Variants in ESYT2 observed in about 807,000 individuals in gnomAD.
The protein encoded by ESYT2 is extended synaptotagmin 2.
A neutral mutation model predicts 107.2 loss-of-function variants in ESYT2; 54 were observed. That is an observed-to-expected ratio of 0.50 (90% CI 0.40 to 0.63). The LOEUF (loss-of-function observed/expected upper bound fraction) is 0.63, where lower values mean the gene tolerates loss of function less well. ESYT2 is among the 30% of genes least tolerant of loss of function. The pLI is 0.00. For missense variants in ESYT2, 1,020 were observed against 1,094.5 expected, an observed-to-expected ratio of 0.93 and a Z score of 0.96; for synonymous variants, 491 against 434.1, an observed-to-expected ratio of 1.13 and a Z score of -1.63.
intron 13 of ESYT2, among the ~76,000 whole-genome samples, chr7:158,758,453 A>G (rs1837842465): frequency 6.6e-6 from 1 of 152,218 alleles, no homozygotes; most frequent in Admixed American, 6.5e-5. Context: ...ATGTGTGTCA[A>G]GAAGTGAGTT....
intron 1 of ESYT2, among the ~76,000 whole-genome samples, chr7:158,820,689 G>A (rs938887918): frequency 6.6e-6 from 1 of 152,210 alleles, no homozygotes; most frequent in African/African-American, 2.4e-5. Flanking sequence ...GGGAGGCTGA[G>A]GCGGGAGGGG....
intron 8 of ESYT2, among the ~76,000 whole-genome samples, chr7:158,766,735 C>T (rs1213641819): frequency 2.0e-5 from 3 of 152,210 alleles, no homozygotes; most frequent in African/African-American, 7.2e-5. Context: ...GACCAACTTA[C>T]CACGTCCTGT....
rs1563650748 is a variant in ESYT2, at chr7:158,782,384, A to AGGTGAG, written c.747+5619_747+5620insCTCACC. 1.4e-3 allele frequency among the ~76,000 whole-genome samples: 22 copies of AGGTGAG among 15,948 alleles called. 11 individuals are homozygous for AGGTGAG. Among genetic ancestry groups the AGGTGAG allele is most frequent in the Admixed American group, 2.0e-3 (4 of 1,982 alleles). 10.5% of individuals were successfully genotyped at this position (15,948 alleles called of 152,430 possible). On this transcript the variant is annotated intron_variant, in intron 6 of 22. Transcript: ENST00000275418. ...AGTGAACGAGTGTGAGAACAAAGTG[A>AGGTGAG]GGTAAGAACGAGAACAAGTGAGTGA...
intron 5 of ESYT2, 32 bp from the exon 6 acceptor site, chr7:158,788,125 T>C (rs1361756715): frequency 5.1e-6 from 8 of 1,570,602 alleles, no homozygotes; most frequent in South Asian, 2.2e-5. Flanking sequence ...AAATATGTAA[T>C]AGAAAACATT....
intron 13 of ESYT2, among the ~76,000 whole-genome samples, chr7:158,755,994 A>G (rs916586531): frequency 3.3e-5 from 5 of 152,252 alleles, no homozygotes; most frequent in African/African-American, 7.2e-5. Flanking sequence ...GTGCACATGT[A>G]CCCTATAACT....
At chr7:158,794,936 T>C (rs1839416226) in intron 3 of ESYT2, among the ~76,000 whole-genome samples, 1 of 152,238 alleles carries the variant, frequency 6.6e-6, no homozygotes, top group Non-Finnish European at 1.5e-5. Context: ...AGGCTTTTTC[T>C]TTATGGTACT....
intron 1 of ESYT2, among the ~76,000 whole-genome samples, chr7:158,803,633 T>C (rs1473642439): frequency 6.6e-6 from 1 of 152,198 alleles, no homozygotes; most frequent in African/African-American, 2.4e-5. Context: ...TGCAGAAAGT[T>C]AAAACTGCCC....
At chr7:158,829,041 A>G in intron 1 of ESYT2, 48 bp downstream of exon 1, 1 of 1,556,548 alleles carries the variant, frequency 6.4e-7, no homozygotes, top group Non-Finnish European at 8.6e-7. Context: ...ACGAGGGGAG[A>G]TCGGGACTGG....
chr7:158,760,248 G>A (rs991265858), intron 11 of ESYT2, 101 bp from the exon 12 acceptor site: 16 of 1,025,286 alleles, frequency 1.6e-5, no homozygotes, highest in East Asian at 2.4e-5. Flanking sequence ...CACTAACCAC[G>A]AGGCATCAAC....
chr7:158,792,035 T>C (rs1318116130), intron 4 of ESYT2, among the ~76,000 whole-genome samples: 1 of 152,192 alleles, frequency 6.6e-6, no homozygotes, highest in Admixed American at 6.5e-5. Context: ...CTATTACAAA[T>C]GAAATTGTTT....
intron 1 of ESYT2, among the ~76,000 whole-genome samples, chr7:158,821,586 C>T (rs1840286939): frequency 6.6e-6 from 1 of 152,226 alleles, no homozygotes; most frequent in Admixed American, 6.5e-5. Context: ...TCCTGTAAAT[C>T]AGAACTGCCC....
intron 7 of ESYT2, among the ~76,000 whole-genome samples, chr7:158,769,923 T>G (rs1174055216): frequency 6.6e-6 from 1 of 152,130 alleles, no homozygotes; most frequent in Non-Finnish European, 1.5e-5. Flanking sequence ...ATTTATTTTT[T>G]TAATTAATTT....
intron 15 of ESYT2, 112 bp from the exon 16 acceptor site, chr7:158,748,392 A>T: frequency 1.2e-6 from 1 of 855,320 alleles, no homozygotes; most frequent in Non-Finnish European, 1.8e-6. Context: ...AATAAAACAA[A>T]AAACTAGAAG....
chr7:158,796,448 G>T (rs1839460761), intron 3 of ESYT2, among the ~76,000 whole-genome samples: 1 of 152,140 alleles, frequency 6.6e-6, no homozygotes, highest in African/African-American at 2.4e-5. Flanking sequence ...GTCATTAGTA[G>T]TTTTGTTTTT....
chr7:158,782,120 A>C (rs1179916464), intron 6 of ESYT2, among the ~76,000 whole-genome samples: 2 of 131,182 alleles, frequency 1.5e-5, no homozygotes, highest in Admixed American at 1.7e-4. Flanking sequence ...GTGAGGTGTG[A>C]GTGTAAGAAC....
chr7:158,824,669 C>T (rs1840386285), intron 1 of ESYT2, among the ~76,000 whole-genome samples: 1 of 152,220 alleles, frequency 6.6e-6, no homozygotes, highest in South Asian at 2.1e-4. Flanking sequence ...AAAAGACCAA[C>T]TGTCAGAACA....
intron 6 of ESYT2, among the ~76,000 whole-genome samples, chr7:158,782,361 T>G (rs1838903340): frequency 7.5e-6 from 1 of 133,026 alleles, no homozygotes; most frequent in African/African-American, 2.9e-5. Flanking sequence ...AGAACGTGAG[T>G]GAACGAGTGT....
chr7:158,764,422 A>C (rs1563635991), intron 9 of ESYT2, among the ~76,000 whole-genome samples: 2 of 152,362 alleles, frequency 1.3e-5, no homozygotes, highest in South Asian at 2.1e-4. Flanking sequence ...ATTATGAAAA[A>C]TATTTTGCTG....
intron 4 of ESYT2, among the ~76,000 whole-genome samples, chr7:158,793,294 G>A (rs1839365147): frequency 6.6e-6 from 1 of 151,970 alleles, no homozygotes; most frequent in South Asian, 2.1e-4. Context: ...TTGCATTCTG[G>A]GAATAAATCC....
Sources: gnomAD v4.1 joint callset for allele counts (sites outside exome capture counted in the v4.1 genomes callset) on GRCh38, gnomAD v4.1.1 for gene constraint, MANE v1.5 for transcripts, NCBI Gene and HGNC (gene_info 2026-07-23, HGNC 2026-07-21) for gene names.